NUP210: variants seen among roughly 807,000 people sequenced by gnomAD.
NUP210 encodes the protein nuclear pore membrane glycoprotein 210.
In NUP210, 151 loss-of-function variants were observed where a neutral mutation model predicts 196.0. That is an observed-to-expected ratio of 0.77 (90% CI 0.67 to 0.88). NUP210 has a LOEUF of 0.88. Ranked by LOEUF, NUP210 falls within the 40% of genes least tolerant of loss-of-function variation. The probability of loss-of-function intolerance (pLI) is 0.00; values close to 1 mark genes in which losing one functional copy is unlikely to be tolerated. For synonymous variants in NUP210, 1,070 were observed against 1,052.7 expected, an observed-to-expected ratio of 1.02 and a Z score of -0.32; for missense variants, 2,314 against 2,493.7, an observed-to-expected ratio of 0.93 and a Z score of 1.53.
At chr3:13,381,434 T>A (rs1559338133) in intron 6 of NUP210, among the ~76,000 whole-genome samples, 2 of 151,010 alleles carry the variant, frequency 1.3e-5, no homozygotes, top group Non-Finnish European at 3.0e-5. Context: ...TTTTTTTTTT[T>A]TAGAGATAGG....
chr3:13,363,850 A>AGCTTCTG (rs1426677561), intron 14 of NUP210, among the ~76,000 whole-genome samples: 7 of 152,296 alleles, frequency 4.6e-5, no homozygotes, highest in Admixed American at 2.6e-4. Context: ...CTGTGAGCTC[A>AGCTTCTG]GCTTCTGGCT....
Position 13,361,769 on chromosome 3 carries a change from C to T in NUP210, c.1933-1278G>A, listed in dbSNP as rs1576383499. 2.0e-5 allele frequency among the ~76,000 whole-genome samples: 3 copies of T among 152,258 alleles called. No individual in the cohort carries two copies. The South Asian group carries it at 6.2e-4, about 32-fold the overall frequency. ...TTGTGCATTAAACTATTCCACGCAC[C>T]CACGGCCCTTGGAATACAGGCTCAG... On this transcript the variant is annotated intron_variant, in intron 14 of 39. Coordinates refer to ENST00000254508, the MANE Select transcript of NUP210 (RefSeq NM_024923.4).
chr3:13,383,932 C>T (rs1316939076), intron 6 of NUP210, among the ~76,000 whole-genome samples: 1 of 152,090 alleles, frequency 6.6e-6, no homozygotes, highest in Non-Finnish European at 1.5e-5. Context: ...AATGGACCAC[C>T]TCACCGCTGC....
chr3:13,378,773 G>A lies in NUP210; in HGVS notation c.1045+139C>T. The A allele has an allele frequency of 5.8e-6, 4 of 684,452 alleles. No homozygotes were observed. The South Asian group carries it at 6.6e-5, about 11-fold the overall frequency. The allele number at this position is 684,452 out of a possible 1,614,324, so 42.4% of individuals were successfully genotyped here. On this transcript the variant is annotated intron_variant, in intron 8 of 39. Coordinates refer to ENST00000254508, the MANE Select transcript of NUP210 (RefSeq NM_024923.4). ...CAGGGAAGGGCTGGTGAGTGCCCTG[G>A]GCAATGATGGTCATAGCAAGTGGCA...
At position 13,354,072 on chromosome 3, in the gene NUP210, G is replaced by T; in HGVS notation, c.2364C>A (p.Asp788Glu). The stretch of plus-strand genomic sequence containing the variant: ...GGCCCTCCTGGTCGTAAGCAGCCAG[G>T]TCCAGCCGGGGGTTGCGGTGGCTGG... ...PVSSHRNPRL[D>E]LAAYDQEGRR... The change falls in exon 17 of 40, where the codon GAC becomes GAA. Residue 788 changes from aspartate to glutamate, a missense_variant. Asp to Glu is a conservative substitution (Grantham distance 45). Coordinates refer to ENST00000254508, the MANE Select transcript of NUP210 (RefSeq NM_024923.4). 6.2e-7 allele frequency: 1 copy of T among 1,603,098 alleles called. No individual in the cohort carries two copies. The highest frequency in any genetic ancestry group is 8.5e-7 in the Non-Finnish European group (1 of 1,175,166).
At chr3:13,325,765 C>T in intron 33 of NUP210, 30 bp downstream of exon 33, 1 of 1,609,604 alleles carries the variant, frequency 6.2e-7, no homozygotes, top group Middle Eastern at 1.7e-4. Context: ...GCCACTGAGC[C>T]ACATGTGCCT....
intron 21 of NUP210, among the ~76,000 whole-genome samples, chr3:13,342,845 A>T (rs2124863675): frequency 6.6e-6 from 1 of 152,354 alleles, no homozygotes; most frequent in South Asian, 2.1e-4. Context: ...AAGAAAATAC[A>T]TGCTCAGCAG....
chr3:13,362,355 G>T (rs1698399055), intron 14 of NUP210, among the ~76,000 whole-genome samples: 1 of 152,084 alleles, frequency 6.6e-6, no homozygotes, highest in African/African-American at 2.4e-5. Context: ...ATTGCTGTGG[G>T]GGTCAGCATT....
chr3:13,335,508 T>C lies in NUP210; in HGVS notation c.3789A>G (p.Thr1263=), dbSNP rs1697176464. 1.2e-6 allele frequency: 2 copies of C among 1,614,008 alleles called. No individual in the cohort carries two copies. The highest frequency in any genetic ancestry group is 1.7e-6 in the Non-Finnish European group (2 of 1,180,046). ...LRVVVKAVDP[T]SGQLYGLARE... is the part of the protein sequence containing the mutation. ...TGGCCAGGCCATACAGCTGCCCCGA[T>C]GTGGGGTCCACAGCCTTGACCACCA... Residue 1263 remains threonine (T), a synonymous_variant, in exon 28 of 40, where the codon ACA becomes ACG. Coordinates refer to ENST00000254508, the MANE Select transcript of NUP210 (RefSeq NM_024923.4).
chr3:13,343,358 GC>G, intron 20 of NUP210, 55 bp from the exon 21 acceptor site: 13 of 1,578,910 alleles, frequency 8.2e-6, no homozygotes, highest in South Asian at 1.1e-5. Context: ...CAGCTGCAGG[GC>G]CCCCCTCTGC....
rs924703949 is a variant in NUP210, at chr3:13,347,643, T to C, written c.2835+4236A>G. Among the ~76,000 whole-genome samples, 5 of 152,118 alleles carry C rather than the reference T, an allele frequency of 3.3e-5. No homozygotes were observed. In the South Asian group the frequency reaches 6.2e-4, roughly 19 times the overall value. On this transcript the variant is annotated intron_variant, in intron 20 of 39. Coordinates refer to ENST00000254508, the MANE Select transcript of NUP210 (RefSeq NM_024923.4). The surrounding 1 kb of genome is among the most constrained non-coding windows in gnomAD (Gnocchi z 4.7). ...GCAAGCCATCCTTCCGTGCTGAATA[T>C]GTATCAACAGGAAGGAAAGAAACCC...
At chr3:13,375,892 C>CG (rs1157148042) in intron 10 of NUP210, among the ~76,000 whole-genome samples, 1 of 152,072 alleles carries the variant, frequency 6.6e-6, no homozygotes, top group Non-Finnish European at 1.5e-5. Flanking sequence ...TGGTGTCCCC[C>CG]CCAACTTTAC....
rs758288052 is a variant in NUP210 at position 13,341,809 on chromosome 3, A to T, written c.3167T>A (p.Leu1056Gln). 1 of 1,614,230 alleles carries T rather than the reference A, an allele frequency of 6.2e-7. No homozygotes were observed. The highest frequency in any genetic ancestry group is 1.1e-5 in the South Asian group (1 of 91,092). Residue 1056 changes from leucine to glutamine, a missense_variant, in exon 23 of 40, where the codon CTA becomes CAA. Coordinates refer to ENST00000254508, the MANE Select transcript of NUP210 (RefSeq NM_024923.4). The stretch of plus-strand genomic sequence containing the variant: ...AGCTTTATTGGTCACACTTGCAGTT[A>T]GACTGGTCTGGCCGATGGCCACACC... ...IRGVAIGQTSLTASVTNKAGQ... is the reference protein window; with the variant it reads ...IRGVAIGQTSQTASVTNKAGQ...
chr3:13,417,915 G>C (rs1188931401), intron 1 of NUP210, among the ~76,000 whole-genome samples: 2 of 152,018 alleles, frequency 1.3e-5, no homozygotes, highest in Non-Finnish European at 2.9e-5. Context: ...AAATGATGTT[G>C]GGGGGGAAAA....
Position 13,335,602 on chromosome 3 carries a change from C to T in NUP210, c.3695G>A (p.Arg1232Gln), listed in dbSNP as rs1204480869. 7.4e-6 allele frequency: 12 copies of T among 1,613,876 alleles called. No homozygotes were observed. The highest frequency in any genetic ancestry group is 5.5e-5 in the South Asian group (5 of 91,064). Residue 1232 changes from arginine (R) to glutamine (Q), a missense_variant, in exon 28 of 40, where the codon CGA (arginine) becomes CAA (glutamine). Arg to Gln is a conservative substitution (Grantham distance 43). Coordinates refer to ENST00000254508, the MANE Select transcript of NUP210 (RefSeq NM_024923.4). ...GGCAAAGTTGTACTGTGACGGGAGT[C>T]GGATCGACGCCTGGGAAGACATCAA... is the stretch of plus-strand genomic sequence containing the variant. Reference protein sequence around the residue: ...LRGRHHEASIRLPSQYNFAMN... With the variant: ...LRGRHHEASIQLPSQYNFAMN...
Position 13,368,488 on chromosome 3 carries a change from T to G in NUP210, c.1787-2397A>C, listed in dbSNP as rs529671653. Among the ~76,000 whole-genome samples the G allele has an allele frequency of 2.0e-5, 3 of 152,324 alleles. No homozygotes were observed. In the South Asian group the frequency reaches 6.2e-4, roughly 32 times the overall value. On this transcript the variant is annotated intron_variant, in intron 13 of 39. Transcript: ENST00000254508. The stretch of plus-strand genomic sequence containing the variant: ...GTATAGTTCAGTGGCATTAAGTACA[T>G]TTATGCAGCCTGTGAATGGATGTCG...
At chr3:13,418,363 C>A (rs547528029) in intron 1 of NUP210, among the ~76,000 whole-genome samples, 1 of 152,176 alleles carries the variant, frequency 6.6e-6, no homozygotes, top group Non-Finnish European at 1.5e-5. Context: ...GAGGCAGAGG[C>A]GGCGGGATCA....
intron 27 of NUP210, 68 bp from the exon 28 acceptor site, chr3:13,335,680 CG>C: frequency 6.4e-7 from 1 of 1,552,830 alleles, no homozygotes; most frequent in Non-Finnish European, 8.8e-7. Flanking sequence ...AAGGCAGAGC[CG>C]GACAGTAGCC....
chr3:13,327,925 G>A (rs557663653), intron 31 of NUP210, among the ~76,000 whole-genome samples: 8 of 152,358 alleles, frequency 5.3e-5, no homozygotes, highest in Non-Finnish European at 1.2e-4. Context: ...GCAGTGGGGA[G>A]GCACCTGCCA....
Sources: gnomAD v4.1 joint callset for allele counts (sites outside exome capture counted in the v4.1 genomes callset) on GRCh38, gnomAD v4.1.1 for gene constraint, Gnocchi (gnomAD v3.1) non-coding constraint, MANE v1.5 for transcripts, NCBI Gene and HGNC (gene_info 2026-07-23, HGNC 2026-07-21) for gene names.